The following CCDC178 variants were observed in gnomAD, a reference collection of about 807,000 sequenced individuals.
CCDC178 encodes coiled-coil domain containing 178.
Under a neutral mutation model 117.4 loss-of-function variants are expected in CCDC178, and 126 were observed. The ratio of observed to expected loss-of-function variants is 1.07; its 90% CI spans 0.93 to 1.24. The LOEUF (loss-of-function observed/expected upper bound fraction) is 1.24. CCDC178 is among the 50% of genes most tolerant of loss of function. CCDC178 has a pLI of 0.00. For synonymous variants in CCDC178, 283 were observed against 313.4 expected, an observed-to-expected ratio of 0.90 and a Z score of 1.02; for missense variants, 1,030 against 986.9, an observed-to-expected ratio of 1.04 and a Z score of -0.59.
At chr18:33,097,922 A>G (rs1045625346) in intron 20 of CCDC178, among the ~76,000 whole-genome samples, 1 of 152,044 alleles carries the variant, frequency 6.6e-6, no homozygotes, top group Admixed American at 6.6e-5. Flanking sequence ...ACATGATTCC[A>G]TATCTCAGTA....
At chr18:33,183,545 T>C (rs1323392737) in intron 20 of CCDC178, among the ~76,000 whole-genome samples, 2 of 152,028 alleles carry the variant, frequency 1.3e-5, no homozygotes, top group Non-Finnish European at 2.9e-5. Flanking sequence ...AAATTATTTT[T>C]AAATTTTTAT....
intron 12 of CCDC178, among the ~76,000 whole-genome samples, chr18:33,284,894 T>TATTTCCCCA (rs1206825814): frequency 1.3e-5 from 2 of 151,618 alleles, no homozygotes; most frequent in African/African-American, 4.8e-5. Flanking sequence ...AACTGTACTG[T>TATTTCCCCA]AGCTCTTGGG....
At chr18:32,967,261 A>G (rs1483551582) in intron 22 of CCDC178, among the ~76,000 whole-genome samples, 5 of 151,446 alleles carry the variant, frequency 3.3e-5, no homozygotes, top group Admixed American at 6.6e-5. Flanking sequence ...TTTATTTCCA[A>G]AAAGTTCAAG....
chr18:33,134,545 C>G (rs1436633223), intron 20 of CCDC178, among the ~76,000 whole-genome samples: 1 of 151,994 alleles, frequency 6.6e-6, no homozygotes, highest in Non-Finnish European at 1.5e-5. Flanking sequence ...TTTATTCTAT[C>G]TACATATAAG....
intron 21 of CCDC178, among the ~76,000 whole-genome samples, chr18:33,087,566 TTGTGTGTGTGTGTG>T (rs57033642): frequency 0.19 from 28,140 of 146,062 alleles, 2,987 homozygotes; most frequent in South Asian, 0.32. Context: ...CCAAAGCCAT[TTGTGTGTGTGTGTG>T]TGTGTGTGTG....
intron 20 of CCDC178, among the ~76,000 whole-genome samples, chr18:33,148,911 C>T (rs1339206133): frequency 2.6e-5 from 4 of 152,148 alleles, no homozygotes; most frequent in Non-Finnish European, 5.9e-5. Flanking sequence ...AGGTGTGGTC[C>T]CCTCACCCCA....
chr18:32,941,208 C>T (rs559511093), intron 22 of CCDC178, among the ~76,000 whole-genome samples: 3 of 151,754 alleles, frequency 2.0e-5, no homozygotes, highest in South Asian at 2.1e-4. Context: ...AGCCGTTTGC[C>T]GGAAAAGAGT....
intron 5 of CCDC178, among the ~76,000 whole-genome samples, chr18:33,370,575 A>T (rs1383108085): frequency 6.6e-6 from 1 of 152,004 alleles, no homozygotes; most frequent in Non-Finnish European, 1.5e-5. Flanking sequence ...ATATATTTTA[A>T]ATATTCCCTT....
At position 33,333,163 on chromosome 18, in the gene CCDC178, C is replaced by T. The variant is rs546730304; in HGVS notation, c.879+11G>A. ...ATAATTTATGAAATGCTCATGCATT[C>T]GTTTATTTACCTCCATTTTTTTTTT... On this transcript the variant is annotated intron_variant, in intron 10 of 22. Coordinates refer to ENST00000383096, the MANE Select transcript of CCDC178 (RefSeq NM_001105528.4). The T allele has an allele frequency of 8.0e-6, 12 of 1,494,078 alleles. No individual in the cohort carries two copies. Among genetic ancestry groups the T allele is most frequent in the Admixed American group, 7.4e-5 (4 of 54,182 alleles). The allele number at this position is 1,494,078 out of a possible 1,614,324, so 92.6% of individuals were successfully genotyped here. A position where few individuals can be genotyped will look rare whatever the true frequency, so the allele number is the denominator to read the frequency against.
chr18:33,098,149 C>A (rs928572597), intron 20 of CCDC178, among the ~76,000 whole-genome samples: 73 of 151,896 alleles, frequency 4.8e-4, no homozygotes, highest in African/African-American at 1.7e-3. Flanking sequence ...AAGGAGATTA[C>A]AAGAAAAAAA....
In CCDC178 at chr18:33,092,787, C is replaced by T. The variant is rs771392170; in HGVS notation, c.2362G>A (p.Asp788Asn). The T allele has an allele frequency of 6.5e-7, 1 of 1,533,532 alleles. No homozygotes were observed. The highest frequency in any genetic ancestry group is 2.3e-5 in the East Asian group (1 of 43,690). The allele number at this position is 1,533,532 out of a possible 1,614,324, so 95.0% of individuals were successfully genotyped here. ...FNIYDKQLSL[D>N]TSIRDKKQLC... ...TGTTTCTTATCTCTAATTGAAGTATCAAGTGATAGCTGTTTATCATATATA... is the reference window on the plus strand; with the variant it reads ...TGTTTCTTATCTCTAATTGAAGTATTAAGTGATAGCTGTTTATCATATATA... The change falls in exon 21 of 23, where the codon GAT becomes AAT. Residue 788 changes from aspartate to asparagine, a missense_variant. Coordinates refer to ENST00000383096, the MANE Select transcript of CCDC178 (RefSeq NM_001105528.4).
At position 33,184,534 on chromosome 18, in the gene CCDC178, A is replaced by G. The variant is rs1221901752; in HGVS notation, c.2238+27362T>C. ...ACTGCCATCAACCAAACAGATATACACTAACCAGTATACACTGACCAGAAA... is the reference window on the plus strand; with the variant it reads ...ACTGCCATCAACCAAACAGATATACGCTAACCAGTATACACTGACCAGAAA... On this transcript the variant is annotated intron_variant, in intron 20 of 22. Coordinates refer to ENST00000383096, the MANE Select transcript of CCDC178 (RefSeq NM_001105528.4). 4.6e-5 allele frequency among the ~76,000 whole-genome samples: 7 copies of G among 152,154 alleles called. No individual in the cohort carries two copies. In the South Asian group the frequency reaches 1.4e-3, roughly 31 times the overall value.
At chr18:33,118,864 C>A (rs2057895606) in intron 20 of CCDC178, among the ~76,000 whole-genome samples, 1 of 152,206 alleles carries the variant, frequency 6.6e-6, no homozygotes, top group South Asian at 2.1e-4. Context: ...TGGAACAGAG[C>A]AGAGCCCTCA....
At chr18:33,209,406 G>A (rs1363960675) in intron 20 of CCDC178, among the ~76,000 whole-genome samples, 4 of 151,874 alleles carry the variant, frequency 2.6e-5, no homozygotes, top group East Asian at 1.9e-4. Flanking sequence ...CTTTTATGAA[G>A]TATTTTATTA....
intron 8 of CCDC178, among the ~76,000 whole-genome samples, chr18:33,347,363 A>G (rs1039553382): frequency 1.3e-5 from 2 of 152,196 alleles, no homozygotes; most frequent in Non-Finnish European, 2.9e-5. Flanking sequence ...AATAACGGTG[A>G]TAAGCGCAAG....
rs375595151 is a variant in CCDC178, at chr18:33,319,611, C to T, written c.1022+3880G>A. ...TTCTAGTTCTAGATCCTTGAGGAAT[C>T]GCCACACTGTCTTCCACAATGGTTG... On this transcript the variant is annotated intron_variant, in intron 11 of 22. Transcript: ENST00000383096. Among the ~76,000 whole-genome samples the T allele has an allele frequency of 4.6e-4, 70 of 152,242 alleles. 1 individual carries two copies. The East Asian group carries it at 6.2e-3, about 13-fold the overall frequency.
In CCDC178 at chr18:33,293,040, G is replaced by A. The variant is rs2062055843; in HGVS notation, c.1176+119C>T. On this transcript the variant is annotated intron_variant, in intron 12 of 22. Transcript: ENST00000383096. ...ATGCAGCAATAGAAAACTAATACAG[G>A]CAAATTGGCTAAATATAAAAAAATT... The A allele has an allele frequency of 9.7e-6, 6 of 621,266 alleles. No individual in the cohort carries two copies. In the East Asian group the frequency reaches 1.8e-4, roughly 19 times the overall value. The allele number at this position is 621,266 out of a possible 1,614,324, so 38.5% of individuals were successfully genotyped here.
intron 12 of CCDC178, among the ~76,000 whole-genome samples, chr18:33,281,256 T>G (rs1599098802): frequency 6.6e-6 from 1 of 152,162 alleles, no homozygotes; most frequent in Admixed American, 6.5e-5. Context: ...GTTTTCTTAG[T>G]TCTCCATTTC....
intron 7 of CCDC178, among the ~76,000 whole-genome samples, chr18:33,351,886 C>T (rs893915940): frequency 2.6e-5 from 4 of 152,144 alleles, no homozygotes; most frequent in Non-Finnish European, 5.9e-5. Flanking sequence ...CTATAGTTTG[C>T]TTCTGATGTC....
Sources: allele counts gnomAD v4.1 joint callset (sites outside exome capture counted in the v4.1 genomes callset), GRCh38; gene constraint gnomAD v4.1.1; transcripts MANE v1.5; gene names NCBI Gene and HGNC (gene_info 2026-07-23, HGNC 2026-07-21).